FAT3: variants seen among roughly 807,000 people sequenced by gnomAD.
The protein encoded by FAT3 is protocadherin Fat 3.
FAT3 carries 95 observed loss-of-function variants against 310.2 expected under a neutral mutation model. That is an observed-to-expected ratio of 0.31 (90% CI 0.26 to 0.36). The LOEUF (loss-of-function observed/expected upper bound fraction) is 0.36. Ranked by LOEUF, FAT3 falls within the 10% of genes least tolerant of loss-of-function variation. FAT3 has a pLI of 1.00. For synonymous variants in FAT3, 2,314 were observed against 2,192.9 expected (o/e 1.06, Z -1.54); for missense variants, 5,408 against 5,715.6 (o/e 0.95, Z 1.74).
intron 1 of FAT3, among the ~76,000 whole-genome samples, chr11:92,256,654 G>A (rs1478671621): frequency 6.6e-6 from 1 of 152,030 alleles, no homozygotes; most frequent in East Asian, 1.9e-4. Flanking sequence ...TTAAAGGTTT[G>A]TATCACATTA....
chr11:92,892,014 A>G lies in FAT3; in HGVS notation c.*901A>G, dbSNP rs961003278. On this transcript the variant is annotated 3_prime_UTR_variant, in exon 28 of 28. Coordinates refer to ENST00000525166, the MANE Select transcript of FAT3 (RefSeq NM_001367949.2). Reference sequence around the variant, plus strand: ...CAAAACTCACAAATTCAGGGGGGAAAAAAGAAAAAACGATACCTTCAAAGT... The same window carrying G: ...CAAAACTCACAAATTCAGGGGGGAAGAAAGAAAAAACGATACCTTCAAAGT... 5 of 144,616 alleles carry G rather than the reference A, an allele frequency of 3.5e-5. No individual in the cohort carries two copies. The East Asian group carries it at 9.9e-4, about 29-fold the overall frequency. 9.0% of individuals were successfully genotyped at this position (144,616 alleles called of 1,614,324 possible).
chr11:92,872,246 TTTAA>T (rs1949408670), intron 22 of FAT3, among the ~76,000 whole-genome samples: 1 of 152,262 alleles, frequency 6.6e-6, no homozygotes, highest in Admixed American at 6.5e-5. Context: ...TCCATCAAAC[TTTAA>T]TTAAGTACCT....
At chr11:92,328,735 T>G (rs180745772) in intron 1 of FAT3, among the ~76,000 whole-genome samples, 225 of 152,310 alleles carry the variant, frequency 1.5e-3, no homozygotes, top group African/African-American at 4.9e-3. Flanking sequence ...CCATGTGCCC[T>G]CAGGTTTGCA....
At chr11:92,356,188 T>G (rs1391600227) in intron 2 of FAT3, among the ~76,000 whole-genome samples, 3 of 152,212 alleles carry the variant, frequency 2.0e-5, no homozygotes, top group African/African-American at 7.2e-5. Flanking sequence ...AAAATGTTCA[T>G]GTGCCTGGAC....
chr11:92,358,045 C>T (rs573843352), intron 2 of FAT3, among the ~76,000 whole-genome samples: 15 of 150,894 alleles, frequency 9.9e-5, no homozygotes, highest in African/African-American at 2.2e-4. Context: ...TGGTGGTGCA[C>T]GCCTGTAGTC....
chr11:92,500,528 A>T (rs563321871), intron 2 of FAT3, among the ~76,000 whole-genome samples: 1 of 152,188 alleles, frequency 6.6e-6, no homozygotes, highest in Admixed American at 6.6e-5. Context: ...TCAGTGCCTA[A>T]TGTGCATTTT....
intron 13 of FAT3, among the ~76,000 whole-genome samples, chr11:92,812,514 G>A (rs192173080): frequency 1.8e-4 from 28 of 151,634 alleles, no homozygotes; most frequent in African/African-American, 6.1e-4. Flanking sequence ...CCCGGGAGGC[G>A]GAGGTTGCAG....
intron 1 of FAT3, among the ~76,000 whole-genome samples, chr11:92,283,984 T>C (rs1423768502): frequency 6.6e-6 from 1 of 152,212 alleles, no homozygotes; most frequent in South Asian, 2.1e-4. Context: ...TCTTTTTGTA[T>C]TGCATTTCTA....
At chr11:92,622,617 T>G (rs915444160) in intron 3 of FAT3, among the ~76,000 whole-genome samples, 11 of 152,158 alleles carry the variant, frequency 7.2e-5, no homozygotes, top group African/African-American at 2.7e-4. Flanking sequence ...ATATATCAAC[T>G]GTCTAGCTGA....
rs527796392 is a variant in FAT3, at chr11:92,304,756, A to C, written c.-17-47340A>C. Among the ~76,000 whole-genome samples the C allele has an allele frequency of 1.6e-4, 24 of 152,184 alleles. 1 individual carries two copies. Among genetic ancestry groups the C allele is most frequent in the East Asian group, 7.8e-4 (4 of 5,146 alleles). ...TGGAGGAGGTGAGGTGAGACAGGGC[A>C]CAAATGAAGCACAGGCATGGGGTCC... On this transcript the variant is annotated intron_variant, in intron 1 of 27. Transcript: ENST00000525166.
chr11:92,700,805 C>T (rs1944077128), intron 4 of FAT3, among the ~76,000 whole-genome samples: 1 of 152,180 alleles, frequency 6.6e-6, no homozygotes, highest in East Asian at 1.9e-4. Flanking sequence ...CTCTTTTTCT[C>T]TCTCTTATGC....
intron 1 of FAT3, among the ~76,000 whole-genome samples, chr11:92,335,392 A>G (rs570141910): frequency 6.6e-6 from 1 of 152,280 alleles, no homozygotes; most frequent in South Asian, 2.1e-4. Context: ...GATGGACAGA[A>G]GGTGATGTAT....
intron 1 of FAT3, among the ~76,000 whole-genome samples, chr11:92,323,585 CT>C (rs1206086265): frequency 0.11 from 14,062 of 133,682 alleles, 1,301 homozygotes; most frequent in African/African-American, 0.27. Context: ...CTTTTTTTTT[CT>C]TTTTTTTTTT....
At chr11:92,478,957 C>CT (rs377734499) in intron 2 of FAT3, among the ~76,000 whole-genome samples, 1 of 82,604 alleles carries the variant, frequency 1.2e-5, no homozygotes, top group Non-Finnish European at 2.8e-5. Flanking sequence ...TCTTTCTTTT[C>CT]TTTTCTTTTC....
intron 1 of FAT3, among the ~76,000 whole-genome samples, chr11:92,267,072 C>A (rs528864114): frequency 8.5e-6 from 1 of 117,608 alleles, no homozygotes; most frequent in Admixed American, 7.7e-5. Context: ...GCCTGTCACG[C>A]GGGTGTAGCT....
At chr11:92,772,786 T>C (rs1015691824) in intron 6 of FAT3, among the ~76,000 whole-genome samples, 1 of 151,896 alleles carries the variant, frequency 6.6e-6, no homozygotes, top group African/African-American at 2.4e-5. Flanking sequence ...TATGACCAGG[T>C]TTTTTTTAAG....
chr11:92,253,385 T>G (rs1865203548), intron 1 of FAT3, among the ~76,000 whole-genome samples: 1 of 152,138 alleles, frequency 6.6e-6, no homozygotes, highest in Non-Finnish European at 1.5e-5. Context: ...CTCTTACCAA[T>G]GTACTTTAGA....
chr11:92,237,764 A>G lies in FAT3; in HGVS notation c.-18+12590A>G, dbSNP rs144988622. Among the ~76,000 whole-genome samples, 1,065 of 152,252 alleles carry G rather than the reference A, an allele frequency of 7.0e-3. 14 individuals are homozygous for G. The highest frequency in any genetic ancestry group is 0.024 in the African/African-American group (1,007 of 41,552). On this transcript the variant is annotated intron_variant, in intron 1 of 27. Transcript: ENST00000525166. ...TACTCAGTGAATACTGGTCCAATGA[A>G]TGAATGAGATATTGTAGATTTTGGA... is the stretch of plus-strand genomic sequence containing the variant.
At chr11:92,388,188 A>G (rs758484204) in intron 2 of FAT3, among the ~76,000 whole-genome samples, 7 of 152,192 alleles carry the variant, frequency 4.6e-5, no homozygotes, top group East Asian at 1.9e-4. Flanking sequence ...AATTATTTAT[A>G]TAGTTTTTTT....
Sources: allele counts gnomAD v4.1 joint callset (sites outside exome capture counted in the v4.1 genomes callset), GRCh38; gene constraint gnomAD v4.1.1; transcripts MANE v1.5; gene names NCBI Gene and HGNC (gene_info 2026-07-23, HGNC 2026-07-21).